Variants in STPG2 observed in about 807,000 individuals in gnomAD.
STPG2 encodes the protein sperm tail PG-rich repeat containing 2, also known as sperm-tail PG-rich repeat-containing protein 2.
A neutral mutation model predicts 54.2 loss-of-function variants in STPG2; 56 were observed. The ratio of observed to expected loss-of-function variants is 1.03; its 90% CI spans 0.83 to 1.29. The LOEUF (loss-of-function observed/expected upper bound fraction) is 1.29. STPG2 is among the 50% of genes most tolerant of loss of function. The pLI, the probability that STPG2 is intolerant of heterozygous loss-of-function variation, is 0.00. For missense variants in STPG2, 596 were observed against 544.9 expected (o/e 1.09, Z -0.93); for synonymous variants, 200 against 181.8 (o/e 1.10, Z -0.81).
At chr4:98,141,658 T>C (rs1049430153) in intron 1 of STPG2, among the ~76,000 whole-genome samples, 1 of 152,162 alleles carries the variant, frequency 6.6e-6, no homozygotes, top group African/African-American at 2.4e-5. Flanking sequence ...CTCCCTGAAA[T>C]ACATAAAGCC....
chr4:98,077,765 T>G (rs1270871973), intron 5 of STPG2, among the ~76,000 whole-genome samples: 2 of 152,180 alleles, frequency 1.3e-5, no homozygotes. Flanking sequence ...ATCATAGAAG[T>G]TAAAAAGCAA....
chr4:97,863,921 T>G (rs182935524), intron 8 of STPG2, among the ~76,000 whole-genome samples: 295 of 152,266 alleles, frequency 1.9e-3, no homozygotes, highest in Non-Finnish European at 3.4e-3. Flanking sequence ...AAACTCTCAA[T>G]AAATTAGGTA....
intron 5 of STPG2, among the ~76,000 whole-genome samples, chr4:98,096,601 AG>A (rs1738866653): frequency 6.6e-6 from 1 of 152,102 alleles, no homozygotes; most frequent in South Asian, 2.1e-4. Flanking sequence ...AATTAGTAAA[AG>A]AAAAGAAATA....
chr4:97,750,071 A>G (rs1378993222), intron 9 of STPG2, among the ~76,000 whole-genome samples: 2 of 151,854 alleles, frequency 1.3e-5, no homozygotes, highest in African/African-American at 4.8e-5. Context: ...GTGCAGATTT[A>G]TTATTATGAG....
intron 9 of STPG2, among the ~76,000 whole-genome samples, chr4:97,781,418 C>T (rs1726608410): frequency 6.6e-6 from 1 of 152,142 alleles, no homozygotes; most frequent in African/African-American, 2.4e-5. Flanking sequence ...ATAACAGGCT[C>T]TGAAATTGAG....
At position 97,642,964 on chromosome 4, in the gene STPG2, C is replaced by T. The variant is rs181881695; in HGVS notation, c.1320+69735G>A. 3.5e-3 allele frequency among the ~76,000 whole-genome samples: 525 copies of T among 151,490 alleles called. 3 individuals are homozygous for T. The highest frequency in any genetic ancestry group is 0.011 in the African/African-American group (476 of 41,464). On this transcript the variant is annotated intron_variant, in intron 10 of 10. Coordinates refer to ENST00000295268, the MANE Select transcript of STPG2 (RefSeq NM_174952.3). Reference sequence around the variant, plus strand: ...TTCAGTAGTAAAGCAATATTAACCACGACTTTGAAAAATGCCTAGACCAGA... The same window carrying T: ...TTCAGTAGTAAAGCAATATTAACCATGACTTTGAAAAATGCCTAGACCAGA...
intron 9 of STPG2, among the ~76,000 whole-genome samples, chr4:97,782,989 C>T (rs1726697290): frequency 6.6e-6 from 1 of 152,084 alleles, no homozygotes; most frequent in Non-Finnish European, 1.5e-5. Flanking sequence ...AGAAGAAAAC[C>T]TAGGCAATAC....
chr4:97,448,268 T>C (rs577370903), intron 4 of STPG2, among the ~76,000 whole-genome samples: 11 of 152,258 alleles, frequency 7.2e-5, no homozygotes, highest in African/African-American at 2.6e-4. Context: ...CTATGGGCTT[T>C]TGAGCTAATG....
chr4:97,897,885 GC>G (rs1560576935), intron 8 of STPG2, among the ~76,000 whole-genome samples: 1 of 151,414 alleles, frequency 6.6e-6, no homozygotes, highest in Non-Finnish European at 1.5e-5. Flanking sequence ...AGCCTCCTTT[GC>G]CATGCAGAAG....
At chr4:97,676,881 A>G (rs1040546130) in intron 10 of STPG2, among the ~76,000 whole-genome samples, 3 of 152,210 alleles carry the variant, frequency 2.0e-5, no homozygotes, top group Non-Finnish European at 4.4e-5. Context: ...TAACCAGAAC[A>G]GACAAAAACC....
chr4:97,487,216 C>A (rs1278178619), intron 4 of STPG2, among the ~76,000 whole-genome samples: 1 of 150,306 alleles, frequency 6.7e-6, no homozygotes, highest in Non-Finnish European at 1.5e-5. Flanking sequence ...AAAACCCAGA[C>A]CAGGAAGACT....
At chr4:98,028,967 C>A (rs1047259843) in intron 5 of STPG2, among the ~76,000 whole-genome samples, 8 of 151,992 alleles carry the variant, frequency 5.3e-5, no homozygotes, top group African/African-American at 1.9e-4. Flanking sequence ...AAGTATGTTG[C>A]TCAATTTCCA....
At chr4:97,678,332 C>G (rs1722918886) in intron 10 of STPG2, among the ~76,000 whole-genome samples, 1 of 151,902 alleles carries the variant, frequency 6.6e-6, no homozygotes, top group South Asian at 2.1e-4. Flanking sequence ...AAGAAGGATC[C>G]ACTTAGTAAG....
intron 9 of STPG2, among the ~76,000 whole-genome samples, chr4:97,716,647 A>T (rs1436565738): frequency 6.6e-6 from 1 of 151,666 alleles, no homozygotes; most frequent in Non-Finnish European, 1.5e-5. Flanking sequence ...GGAGATGAAC[A>T]ATGAGAACAC....
chr4:98,106,085 A>C, intron 4 of STPG2, 21 bp from the exon 5 acceptor site: 1 of 1,356,558 alleles, frequency 7.4e-7, no homozygotes, highest in Non-Finnish European at 1.0e-6. Flanking sequence ...TTCAAATAGA[A>C]ATTAAGAATT....
intron 7 of STPG2, among the ~76,000 whole-genome samples, chr4:97,954,747 T>C (rs1187029448): frequency 6.6e-6 from 1 of 152,180 alleles, no homozygotes. Context: ...GAGGAAAGTG[T>C]GAAATTTCAC....
At position 97,454,506 on chromosome 4, in the gene STPG2, C is replaced by T. The variant is rs1344003989; in HGVS notation, c.462+258193G>A. Among the ~76,000 whole-genome samples, 14 of 109,422 alleles carry T rather than the reference C, an allele frequency of 1.3e-4. No homozygotes were observed. In the Admixed American group the frequency reaches 2.1e-3, roughly 16 times the overall value. The allele number at this position is 109,422 out of a possible 152,430, so 71.8% of individuals were successfully genotyped here. A position where few individuals can be genotyped will look rare whatever the true frequency, so the allele number is the denominator to read the frequency against. ...CCGCAGTCCGGCCTGGGCGACAGAG[C>T]GAGACTCCGTCTCAAAAAAAAAAAA... On this transcript the variant is annotated intron_variant, in intron 4 of 4. Transcript: ENST00000522676.
At chr4:97,807,172 T>C (rs911518092) in intron 9 of STPG2, among the ~76,000 whole-genome samples, 4 of 151,188 alleles carry the variant, frequency 2.6e-5, no homozygotes, top group African/African-American at 9.7e-5. Flanking sequence ...AATTATATTA[T>C]ATTAATAATA....
At chr4:97,915,365 C>T (rs1285997216) in intron 8 of STPG2, among the ~76,000 whole-genome samples, 2 of 152,140 alleles carry the variant, frequency 1.3e-5, no homozygotes, top group African/African-American at 2.4e-5. Context: ...GAGGTAGATA[C>T]TGTAACATCC....
Sources: gnomAD v4.1 joint callset for allele counts (sites outside exome capture counted in the v4.1 genomes callset) on GRCh38, gnomAD v4.1.1 for gene constraint, MANE v1.5 for transcripts, NCBI Gene and HGNC (gene_info 2026-07-23, HGNC 2026-07-21) for gene names.